CAMKMT: variants seen among roughly 807,000 people sequenced by gnomAD.
CAMKMT encodes CaM KMT.
Under a neutral mutation model 48.0 loss-of-function variants are expected in CAMKMT, and 53 were observed. That is an observed-to-expected ratio of 1.10 (90% confidence interval 0.89 to 1.39). The LOEUF (loss-of-function observed/expected upper bound fraction) is 1.39. Among genes scored for constraint, CAMKMT ranks in the 40% most tolerant of loss-of-function variants. The pLI is 0.00. For missense variants in CAMKMT, 428 were observed against 402.7 expected (o/e 1.06, Z -0.54); for synonymous variants, 165 against 152.3 (o/e 1.08, Z -0.61).
chr2:44,723,457 G>A (rs72870543), intron 7 of CAMKMT, among the ~76,000 whole-genome samples: 350 of 151,988 alleles, frequency 2.3e-3, no homozygotes, highest in African/African-American at 8.2e-3. Flanking sequence ...CAGGCGTGTC[G>A]GCGGGCACCT....
At chr2:44,362,229 C>A in intron 1 of CAMKMT, 84 bp downstream of exon 1, 2 of 1,241,196 alleles carry the variant, frequency 1.6e-6, no homozygotes, top group Non-Finnish European at 2.1e-6. Context: ...GCAGTTCTTT[C>A]CTCTTGGCAG....
At chr2:44,676,549 A>G (rs1205421032) in intron 3 of CAMKMT, 1 of 152,232 alleles carries the variant, frequency 6.6e-6, no homozygotes, top group East Asian at 1.9e-4. Context: ...CGTAAATCCT[A>G]AAGTCAGTCT....
At chr2:44,382,586 C>T (rs1680361123) in intron 2 of CAMKMT, among the ~76,000 whole-genome samples, 1 of 151,818 alleles carries the variant, frequency 6.6e-6, no homozygotes, top group African/African-American at 2.4e-5. Flanking sequence ...TCATGCCGAT[C>T]TTCTGCCTCA....
At chr2:44,471,691 G>A (rs970741597) in intron 3 of CAMKMT, among the ~76,000 whole-genome samples, 1 of 152,136 alleles carries the variant, frequency 6.6e-6, no homozygotes, top group Non-Finnish European at 1.5e-5. Context: ...TATGTGAGTT[G>A]AGTCAAATCA....
intron 3 of CAMKMT, among the ~76,000 whole-genome samples, chr2:44,449,956 T>C (rs988032975): frequency 2.6e-5 from 4 of 152,156 alleles, no homozygotes; most frequent in African/African-American, 9.7e-5. Flanking sequence ...GTATAGTAAT[T>C]TTTAAGTTAA....
intron 3 of CAMKMT, among the ~76,000 whole-genome samples, chr2:44,666,629 TGAGACA>T (rs1674988200): frequency 6.9e-6 from 1 of 145,386 alleles, no homozygotes; most frequent in African/African-American, 2.6e-5. Context: ...TTTTTTTTTT[TGAGACA>T]GAGTCTGGCT....
At chr2:44,390,101 A>G (rs1681178293) in intron 2 of CAMKMT, 140 bp from the exon 3 acceptor site, 1 of 606,958 alleles carries the variant, frequency 1.6e-6, no homozygotes, top group African/African-American at 1.9e-5. Context: ...TAGTGGGCAG[A>G]AAATATTCTT....
chr2:44,635,936 A>G (rs950644280), intron 3 of CAMKMT, among the ~76,000 whole-genome samples: 1 of 152,212 alleles, frequency 6.6e-6, no homozygotes, highest in African/African-American at 2.4e-5. Context: ...CACAGCAAAC[A>G]ATCCAACTGG....
At chr2:44,732,532 A>G (rs1265501683) in intron 7 of CAMKMT, among the ~76,000 whole-genome samples, 2 of 152,148 alleles carry the variant, frequency 1.3e-5, no homozygotes, top group Non-Finnish European at 2.9e-5. Flanking sequence ...TAAGGGTCCT[A>G]CTTGTATGCG....
chr2:44,430,577 T>G (rs921434603), intron 3 of CAMKMT, among the ~76,000 whole-genome samples: 1 of 151,510 alleles, frequency 6.6e-6, no homozygotes, highest in African/African-American at 2.4e-5. Flanking sequence ...ACCCTGGGGC[T>G]CCCATCCTTT....
chr2:44,703,271 A>G (rs1677354988), intron 3 of CAMKMT, among the ~76,000 whole-genome samples: 1 of 152,174 alleles, frequency 6.6e-6, no homozygotes, highest in Admixed American at 6.5e-5. Flanking sequence ...AGAAACTACA[A>G]TTTCCAAGCA....
intron 3 of CAMKMT, among the ~76,000 whole-genome samples, chr2:44,656,859 C>T (rs1048701029): frequency 6.6e-5 from 10 of 152,098 alleles, no homozygotes; most frequent in African/African-American, 1.9e-4. Flanking sequence ...AACTTATATT[C>T]GAACAATGTG....
chr2:44,424,462 G>T (rs1173909703), intron 3 of CAMKMT, among the ~76,000 whole-genome samples: 2 of 152,088 alleles, frequency 1.3e-5, no homozygotes, highest in African/African-American at 2.4e-5. Context: ...AGTGATGGGG[G>T]CTAGCAGAAC....
chr2:44,697,857 A>G (rs959440878), intron 3 of CAMKMT, among the ~76,000 whole-genome samples: 22 of 152,174 alleles, frequency 1.4e-4, no homozygotes, highest in African/African-American at 5.3e-4. Flanking sequence ...AAGCAACAAT[A>G]CAAACTTATT....
chr2:44,435,677 A>T (rs1472980778), intron 3 of CAMKMT, among the ~76,000 whole-genome samples: 1 of 152,216 alleles, frequency 6.6e-6, no homozygotes, highest in Non-Finnish European at 1.5e-5. Flanking sequence ...ATTATTTGGT[A>T]TGTCTTTAGC....
At chr2:44,696,335 A>G (rs958832564) in intron 3 of CAMKMT, among the ~76,000 whole-genome samples, 3 of 152,242 alleles carry the variant, frequency 2.0e-5, no homozygotes, top group Admixed American at 6.5e-5. Context: ...AGGGACTTTA[A>G]TATCTGCAAA....
At chr2:44,480,194 T>G (rs909545406) in intron 3 of CAMKMT, among the ~76,000 whole-genome samples, 9 of 152,204 alleles carry the variant, frequency 5.9e-5, no homozygotes, top group African/African-American at 1.7e-4. Context: ...CATACTGTAG[T>G]TTCTGTTAGG....
At chr2:44,707,251 A>T in intron 5 of CAMKMT, 148 bp from the exon 6 acceptor site, 1 of 676,448 alleles carries the variant, frequency 1.5e-6, no homozygotes, top group Admixed American at 2.9e-5. Flanking sequence ...GATTAAAATA[A>T]TGCAGACATA....
Position 44,714,615 on chromosome 2 carries a change from T to C in CAMKMT, c.557-672T>C, listed in dbSNP as rs78205249. On this transcript the variant is annotated intron_variant, in intron 6 of 10. Coordinates refer to ENST00000378494, the MANE Select transcript of CAMKMT (RefSeq NM_024766.5). The stretch of plus-strand genomic sequence containing the variant: ...CCCCTCCCTAGCAGCATTTAGGAGA[T>C]TGGAAATACTTCACACTGGAAAGTC... Among the ~76,000 whole-genome samples, 21 of 152,290 alleles carry C rather than the reference T, an allele frequency of 1.4e-4. No individual in the cohort carries two copies. The Middle Eastern group carries it at 0.01, about 74-fold the overall frequency.
Sources: allele counts gnomAD v4.1 joint callset (sites outside exome capture counted in the v4.1 genomes callset), GRCh38; gene constraint gnomAD v4.1.1; transcripts MANE v1.5; gene names NCBI Gene and HGNC (gene_info 2026-07-23, HGNC 2026-07-21).